Variants in GLIS3 observed in about 807,000 individuals in gnomAD.
GLIS3 encodes GLIS family zinc finger 3.
GLIS3 carries 53 observed loss-of-function variants against 78.6 expected under a neutral mutation model. That is an observed-to-expected ratio of 0.67 (90% confidence interval 0.54 to 0.85). The LOEUF (loss-of-function observed/expected upper bound fraction) is 0.85, where lower values mean the gene tolerates loss of function less well. GLIS3 is among the 40% of genes least tolerant of loss of function. The pLI is 0.00. For synonymous variants in GLIS3, 684 were observed against 509.9 expected (o/e 1.34, Z -4.60); for missense variants, 1,703 against 1,231.1 (o/e 1.38, Z -5.74).
chr9:4,461,259 C>A, the GLIS3 span, among the ~76,000 whole-genome samples: 3 of 152,074 alleles, frequency 2.0e-5, no homozygotes, highest in Non-Finnish European at 4.4e-5. Flanking sequence ...TGTATGTCAG[C>A]CTTATATACT....
rs116397645 is a variant in GLIS3 at position 3,944,387 on chromosome 9, T to C, written c.1711-7198A>G. Among the ~76,000 whole-genome samples the C allele has an allele frequency of 1.4e-3, 206 of 152,298 alleles. 2 individuals carry two copies. Among genetic ancestry groups the C allele is most frequent in the African/African-American group, 4.7e-3 (194 of 41,566 alleles). Reference sequence around the variant, plus strand: ...GGAAAAGAACATTCACAGTGCAACATTGATATTTAAGACATATCACATGGC... The same window carrying C: ...GGAAAAGAACATTCACAGTGCAACACTGATATTTAAGACATATCACATGGC... On this transcript the variant is annotated intron_variant, in intron 4 of 10. Transcript: ENST00000381971.
intron 2 of GLIS3, among the ~76,000 whole-genome samples, chr9:4,186,544 C>T (rs149366763): frequency 0.16 from 24,550 of 149,980 alleles, 2,088 homozygotes; most frequent in Middle Eastern, 0.23. Context: ...AAATGGTATT[C>T]CTAGTTCTAG....
chr9:4,396,839 G>A, the GLIS3 span, among the ~76,000 whole-genome samples: 2 of 151,984 alleles, frequency 1.3e-5, no homozygotes, highest in African/African-American at 4.8e-5. Flanking sequence ...GGCTTGTGAG[G>A]TTTTGAAGTA....
the GLIS3 span, among the ~76,000 whole-genome samples, chr9:4,470,103 C>A: frequency 6.6e-6 from 1 of 152,118 alleles, no homozygotes; most frequent in Non-Finnish European, 1.5e-5. Flanking sequence ...GAAATTGAGG[C>A]AATAATTAAT....
chr9:4,325,436 C>T (rs1022300546), intron 2 of GLIS3, among the ~76,000 whole-genome samples: 1 of 152,186 alleles, frequency 6.6e-6, no homozygotes, highest in African/African-American at 2.4e-5. Flanking sequence ...ATCTTTAAAT[C>T]AGCATTTGTG....
intron 2 of GLIS3, among the ~76,000 whole-genome samples, chr9:4,327,652 G>C (rs34927608): frequency 1.4e-4 from 22 of 152,066 alleles, no homozygotes; most frequent in African/African-American, 5.3e-4. Context: ...ACTGAATAAA[G>C]GCCAGTCAGT....
intron 2 of GLIS3, among the ~76,000 whole-genome samples, chr9:4,140,062 C>G (rs1833692095): frequency 6.6e-6 from 1 of 152,198 alleles, no homozygotes; most frequent in Admixed American, 6.5e-5. Context: ...CTGTAAAAGG[C>G]ATATCTTACA....
chr9:4,296,972 C>A (rs560925404), intron 1 of GLIS3, among the ~76,000 whole-genome samples: 34 of 149,820 alleles, frequency 2.3e-4, no homozygotes, highest in African/African-American at 8.1e-4. Context: ...TTCAAACTTT[C>A]TCAGAACGAC....
intron 1 of GLIS3, among the ~76,000 whole-genome samples, chr9:4,295,747 G>A (rs1816423196): frequency 6.6e-6 from 1 of 152,210 alleles, no homozygotes; most frequent in African/African-American, 2.4e-5. Flanking sequence ...CTCAAGATAA[G>A]TGTGCTTTTC....
intron 4 of GLIS3, among the ~76,000 whole-genome samples, chr9:4,109,358 T>C (rs1033582242): frequency 6.6e-6 from 1 of 152,244 alleles, no homozygotes; most frequent in Non-Finnish European, 1.5e-5. Context: ...TCTACATAAC[T>C]GATCAAATAA....
At chr9:4,383,059 G>C in the GLIS3 span, among the ~76,000 whole-genome samples, 1 of 152,188 alleles carries the variant, frequency 6.6e-6, no homozygotes, top group Admixed American at 6.5e-5. Flanking sequence ...CAAAACTTCA[G>C]CAGTACCAAT....
At chr9:4,405,899 G>C in the GLIS3 span, among the ~76,000 whole-genome samples, 10 of 152,188 alleles carry the variant, frequency 6.6e-5, no homozygotes, top group Non-Finnish European at 1.5e-5. Flanking sequence ...TCCCAGGGAT[G>C]CAAGGATGGT....
chr9:4,353,371 G>C (rs1319961775), upstream of GLIS3, among the ~76,000 whole-genome samples: 1 of 152,072 alleles, frequency 6.6e-6, no homozygotes, highest in Non-Finnish European at 1.5e-5. Context: ...ATTTCAGGCA[G>C]CTTTCTTTAA....
chr9:4,132,258 G>C (rs569360921), intron 2 of GLIS3, among the ~76,000 whole-genome samples: 1 of 152,176 alleles, frequency 6.6e-6, no homozygotes, highest in East Asian at 1.9e-4. Flanking sequence ...GGCATTCTGA[G>C]TACCACATAC....
At chr9:4,216,020 C>T (rs560707799) in intron 2 of GLIS3, among the ~76,000 whole-genome samples, 5 of 152,036 alleles carry the variant, frequency 3.3e-5, no homozygotes, top group African/African-American at 7.3e-5. Context: ...GGTCCAGTTG[C>T]GGCCTTCCTA....
rs903360862 is a variant in GLIS3, at chr9:4,299,568, G to C, written c.-246C>G. On this transcript the variant is annotated 5_prime_UTR_variant, in exon 1 of 11. Transcript: ENST00000381971. ...GCGCTCCGCGGGCTGTGCCTCCTTC[G>C]GAAATGAAAACCCCCATCCAAACGG... 2 of 152,606 alleles carry C rather than the reference G, an allele frequency of 1.3e-5. No individual in the cohort carries two copies. Among genetic ancestry groups the C allele is most frequent in the African/African-American group, 4.8e-5 (2 of 41,456 alleles). 9.5% of individuals were successfully genotyped at this position (152,606 alleles called of 1,614,324 possible). A position where few individuals can be genotyped will look rare whatever the true frequency, so the allele number is the denominator to read the frequency against.
the GLIS3 span, among the ~76,000 whole-genome samples, chr9:4,437,460 C>CTATG: frequency 9.6e-6 from 1 of 104,660 alleles, no homozygotes; most frequent in East Asian, 2.5e-4. Context: ...ATCTATCTAT[C>CTATG]TATCTATCTA....
the GLIS3 span, among the ~76,000 whole-genome samples, chr9:4,432,148 C>T: frequency 3.4e-4 from 51 of 152,154 alleles, no homozygotes; most frequent in Non-Finnish European, 6.3e-4. Context: ...GCATGCCTAT[C>T]CCCATATAAT....
At chr9:4,416,455 C>A in the GLIS3 span, among the ~76,000 whole-genome samples, 2 of 152,040 alleles carry the variant, frequency 1.3e-5, no homozygotes, top group East Asian at 1.9e-4. Context: ...GGAATATTGA[C>A]AAGTATCTTG....
Sources: allele counts gnomAD v4.1 joint callset (sites outside exome capture counted in the v4.1 genomes callset), GRCh38; gene constraint gnomAD v4.1.1; transcripts MANE v1.5; gene names NCBI Gene and HGNC (gene_info 2026-07-23, HGNC 2026-07-21).